KCNC4: variants seen among roughly 807,000 people sequenced by gnomAD.
The protein encoded by KCNC4 is potassium voltage-gated channel subfamily C member 4.
A neutral mutation model predicts 42.8 loss-of-function variants in KCNC4; 23 were observed. The observed-to-expected ratio is 0.54, with a 90% confidence interval of 0.39 to 0.76. The LOEUF is 0.76. Among genes scored for constraint, KCNC4 ranks in the 30% least tolerant of loss-of-function variants. The pLI, the probability that KCNC4 is intolerant of heterozygous loss-of-function variation, is 0.00. For missense variants in KCNC4, 751 were observed against 898.2 expected (o/e 0.84, Z 2.10); for synonymous variants, 422 against 393.5 (o/e 1.07, Z -0.86).
chr1:110,259,114 A>C (rs973066754), intron 1 of KCNC4, among the ~76,000 whole-genome samples: 1 of 152,212 alleles, frequency 6.6e-6, no homozygotes, highest in Non-Finnish European at 1.5e-5. Flanking sequence ...AAGGTAGGTC[A>C]AGGACCTGGA....
rs536167168 is a variant in KCNC4, at chr1:110,222,544, G to T, written c.679-420G>T. ...ACTGCAACTGTGGTGCATGGACAGA[G>T]CCTCACCTGAGTGCTTATTACAAAT... On this transcript the variant is annotated intron_variant, in intron 1 of 3. Coordinates refer to ENST00000438661, the MANE Select transcript of KCNC4 (RefSeq NM_001039574.3). 3.1e-5 allele frequency: 6 copies of T among 192,220 alleles called. No homozygotes were observed. The Admixed American group carries it at 3.2e-4, about 10-fold the overall frequency. 11.9% of individuals were successfully genotyped at this position (192,220 alleles called of 1,614,324 possible).
At chr1:110,257,676 G>T (rs889271893) in intron 1 of KCNC4, among the ~76,000 whole-genome samples, 1 of 142,712 alleles carries the variant, frequency 7.0e-6, no homozygotes, top group Non-Finnish European at 1.5e-5. Context: ...AGCCGAGATC[G>T]CGCTACTGCA....
At chr1:110,222,891 A>G in intron 1 of KCNC4, 73 bp from the exon 2 acceptor site, 1 of 1,117,956 alleles carries the variant, frequency 8.9e-7, no homozygotes, top group Non-Finnish European at 1.3e-6. Flanking sequence ...CTTCATGCAG[A>G]AGTCCACGTC....
chr1:110,270,257 G>A (rs796663617), intron 1 of KCNC4, among the ~76,000 whole-genome samples: 49 of 152,286 alleles, frequency 3.2e-4, no homozygotes, highest in African/African-American at 9.9e-4. Context: ...GTTGCCTGCT[G>A]CATTGGCCTC....
exon 4 of KCNC4, chr1:110,242,640 C>T (rs1405509803): frequency 1.3e-5 from 2 of 152,220 alleles, no homozygotes; most frequent in African/African-American, 4.8e-5. Context: ...CTGTCGAGGA[C>T]TTGGGTGTTC....
intron 1 of KCNC4, among the ~76,000 whole-genome samples, chr1:110,218,432 G>A (rs1036792831): frequency 2.0e-5 from 3 of 152,006 alleles, no homozygotes; most frequent in Non-Finnish European, 2.9e-5. Flanking sequence ...TGTCATTAAG[G>A]CCTTACCTGA....
At chr1:110,281,484 A>T (rs74118462) in intron 1 of KCNC4, among the ~76,000 whole-genome samples, 2,928 of 149,588 alleles carry the variant, frequency 0.02, 89 homozygotes, top group African/African-American at 0.069. Context: ...GAAGATAGCA[A>T]TGGGGGCGGG....
At chr1:110,221,892 A>C (rs1571036406) in intron 1 of KCNC4, 1 of 152,280 alleles carries the variant, frequency 6.6e-6, no homozygotes, top group East Asian at 1.9e-4. Flanking sequence ...CATGAATAAC[A>C]CATGAAGCCT....
intron 1 of KCNC4, among the ~76,000 whole-genome samples, chr1:110,213,490 G>A (rs1175454722): frequency 6.6e-6 from 1 of 152,212 alleles, no homozygotes; most frequent in East Asian, 1.9e-4. Flanking sequence ...GAACAGGCCT[G>A]CAGGGAAAAG....
intron 3 of KCNC4, among the ~76,000 whole-genome samples, chr1:110,230,564 C>T (rs1001510226): frequency 2.0e-5 from 3 of 152,350 alleles, no homozygotes; most frequent in East Asian, 1.9e-4. Flanking sequence ...CGGCACCCAC[C>T]GCCTCCTTCC....
At chr1:110,282,312 C>T (rs1182739664) in intron 1 of KCNC4, among the ~76,000 whole-genome samples, 1 of 152,192 alleles carries the variant, frequency 6.6e-6, no homozygotes, top group Non-Finnish European at 1.5e-5. Flanking sequence ...GAGAGACAGC[C>T]TCCAGTGTTT....
At chr1:110,217,122 G>A (rs977283281) in intron 1 of KCNC4, among the ~76,000 whole-genome samples, 17 of 152,160 alleles carry the variant, frequency 1.1e-4, no homozygotes, top group African/African-American at 3.4e-4. Context: ...AAGCCAAGTC[G>A]GGTAGAGTAA....
At chr1:110,271,330 A>C (rs1659631162) in intron 1 of KCNC4, among the ~76,000 whole-genome samples, 1 of 152,190 alleles carries the variant, frequency 6.6e-6, no homozygotes, top group South Asian at 2.1e-4. Context: ...CTCTTTATAC[A>C]GGGGAGAGAT....
chr1:110,232,341 C>T (rs1283614551), intron 3 of KCNC4: 1 of 1,604,866 alleles, frequency 6.2e-7, no homozygotes, highest in Non-Finnish European at 8.5e-7. Flanking sequence ...TGGCATCATA[C>T]TCAGGAGCCT....
rs374381251 is a variant in KCNC4 at position 110,258,365 on chromosome 1, G to A, written n.31-24169G>A. Reference sequence around the variant, plus strand: ...CGATTCTCCTGCCTCCGCCTCCTGAGTAGCTGGGACTACAGGCACACGCCA... The same window carrying A: ...CGATTCTCCTGCCTCCGCCTCCTGAATAGCTGGGACTACAGGCACACGCCA... On this transcript the variant is annotated intron_variant and non_coding_transcript_variant, in intron 1 of 2. Transcript: ENST00000412512. Among the ~76,000 whole-genome samples, 10 of 152,254 alleles carry A rather than the reference G, an allele frequency of 6.6e-5. 1 individual carries two copies. The highest frequency in any genetic ancestry group is 2.4e-4 in the African/African-American group (10 of 41,560).
intron 3 of KCNC4, 96 bp downstream of exon 3, chr1:110,226,274 C>T (rs1658391423): frequency 1.0e-6 from 1 of 1,002,916 alleles, no homozygotes; most frequent in South Asian, 1.3e-5. Context: ...TCCCCTGAGA[C>T]CGTGGCCGCC....
chr1:110,252,372 G>C (rs187892050), downstream of KCNC4, among the ~76,000 whole-genome samples: 1 of 152,196 alleles, frequency 6.6e-6, no homozygotes, highest in Non-Finnish European at 1.5e-5. Context: ...GGTTACAGCT[G>C]TTAAATTGGT....
chr1:110,222,013 T>G (rs931517712), intron 1 of KCNC4: 2 of 152,236 alleles, frequency 1.3e-5, no homozygotes, highest in African/African-American at 4.8e-5. Flanking sequence ...CTAGCCGAGA[T>G]CCCAGCAGCT....
chr1:110,279,588 G>A (rs1659786697), intron 1 of KCNC4, among the ~76,000 whole-genome samples: 1 of 152,188 alleles, frequency 6.6e-6, no homozygotes, highest in African/African-American at 2.4e-5. Flanking sequence ...TCCTGGGAAA[G>A]GAGAGATTTG....
Sources: allele counts gnomAD v4.1 joint callset (sites outside exome capture counted in the v4.1 genomes callset), GRCh38; gene constraint gnomAD v4.1.1; transcripts MANE v1.5; gene names NCBI Gene and HGNC (gene_info 2026-07-23, HGNC 2026-07-21).